TLL1: variants seen among roughly 807,000 people sequenced by gnomAD.
The protein encoded by TLL1 is tolloid like 1.
TLL1 carries 49 observed loss-of-function variants against 128.2 expected under a neutral mutation model. The observed-to-expected ratio is 0.38, with a 90% CI of 0.30 to 0.48. The LOEUF is 0.48. TLL1 is among the 20% of genes least tolerant of loss of function. The pLI, the probability that TLL1 is intolerant of heterozygous loss-of-function variation, is 0.96. For missense variants in TLL1, 1,123 were observed against 1,242.0 expected, an observed-to-expected ratio of 0.90 and a Z score of 1.44; for synonymous variants, 454 against 418.8, an observed-to-expected ratio of 1.08 and a Z score of -1.03.
At chr4:165,882,536 C>T (rs1011480877) in intron 1 of TLL1, among the ~76,000 whole-genome samples, 2 of 152,024 alleles carry the variant, frequency 1.3e-5, no homozygotes, top group African/African-American at 4.8e-5. Context: ...AGGCAGTCAC[C>T]AGGGTCAGAA....
intron 1 of TLL1, among the ~76,000 whole-genome samples, chr4:165,952,011 G>T (rs1277192646): frequency 6.6e-6 from 1 of 152,016 alleles, no homozygotes; most frequent in East Asian, 1.9e-4. Flanking sequence ...CTGAAAAACT[G>T]CTCTGTTATG....
At chr4:165,983,272 T>TA (rs750902073) in intron 1 of TLL1, among the ~76,000 whole-genome samples, 18 of 152,016 alleles carry the variant, frequency 1.2e-4, no homozygotes, top group East Asian at 9.7e-4. Context: ...TGCAGATTGA[T>TA]ATGATATTTC....
chr4:166,091,251 C>A lies in TLL1; in HGVS notation c.2566C>A (p.Pro856Thr). 6.2e-7 allele frequency: 1 copy of A among 1,613,250 alleles called. No homozygotes were observed. Among genetic ancestry groups the A allele is most frequent in the African/African-American group, 1.3e-5 (1 of 74,986 alleles). Residue 856 changes from proline to threonine, a missense_variant, in exon 19 of 21, where the codon CCC becomes ACC. Physicochemically the swap from Pro to Thr is conservative, Grantham distance 38. This residue lies in a region of TLL1 where 634 missense variants were observed against 672.4 expected (regional missense o/e 0.94). Coordinates refer to ENST00000061240, the MANE Select transcript of TLL1 (RefSeq NM_012464.5). ...GRLCGNKIPD[P>T]LVATGNKMFV... The stretch of plus-strand genomic sequence containing the variant: ...ACTGTGTGGCAACAAGATACCAGAT[C>A]CCCTTGTGGCTACTGGAAATAAAAT...
At chr4:165,972,016 T>A (rs919200110) in intron 1 of TLL1, among the ~76,000 whole-genome samples, 8 of 152,200 alleles carry the variant, frequency 5.3e-5, no homozygotes, top group African/African-American at 1.4e-4. Flanking sequence ...AGGATAATTG[T>A]TTTTAAGTTG....
chr4:165,882,495 T>C (rs1482757106), intron 1 of TLL1, among the ~76,000 whole-genome samples: 4 of 152,142 alleles, frequency 2.6e-5, no homozygotes, highest in African/African-American at 7.2e-5. Flanking sequence ...AGAAATAGTA[T>C]ATAACTAAAC....
chr4:165,915,940 C>G (rs1024905156), intron 1 of TLL1, among the ~76,000 whole-genome samples: 47 of 152,146 alleles, frequency 3.1e-4, no homozygotes, highest in Non-Finnish European at 1.0e-4. Flanking sequence ...AGATGACTAT[C>G]CAAAATGCAA....
intron 1 of TLL1, among the ~76,000 whole-genome samples, chr4:165,887,578 T>C (rs146995058): frequency 8.6e-4 from 131 of 152,346 alleles, no homozygotes; most frequent in African/African-American, 2.9e-3. Context: ...GAGAACCCTT[T>C]GACTTGCATA....
At chr4:165,971,317 C>T (rs1440770620) in intron 1 of TLL1, among the ~76,000 whole-genome samples, 1 of 152,172 alleles carries the variant, frequency 6.6e-6, no homozygotes, top group Non-Finnish European at 1.5e-5. Context: ...CTTGTAGATT[C>T]AGCCATAGGT....
Position 165,977,399 on chromosome 4 carries a change from C to G in TLL1, c.170-11982C>G, listed in dbSNP as rs114779379. On this transcript the variant is annotated intron_variant, in intron 1 of 20. Coordinates refer to ENST00000061240, the MANE Select transcript of TLL1 (RefSeq NM_012464.5). ...AAGATGTGCTTGCTTTCCCTTCTAC[C>G]ATGATTGTAAGTTTCCTGAGGCCTC... Among the ~76,000 whole-genome samples, 794 of 152,296 alleles carry G rather than the reference C, an allele frequency of 5.2e-3. 9 individuals are homozygous for G. The highest frequency in any genetic ancestry group is 0.043 in the East Asian group (220 of 5,176).
intron 18 of TLL1, among the ~76,000 whole-genome samples, chr4:166,088,204 G>A (rs1018563559): frequency 2.0e-5 from 3 of 152,076 alleles, no homozygotes; most frequent in African/African-American, 7.2e-5. Context: ...GAAACTAAGT[G>A]TCTTCTGGGG....
intron 1 of TLL1, among the ~76,000 whole-genome samples, chr4:165,921,300 G>C (rs946315772): frequency 5.3e-5 from 8 of 152,158 alleles, no homozygotes; most frequent in African/African-American, 1.9e-4. Flanking sequence ...CCTTAGAGAT[G>C]GTTGTCTTTT....
chr4:166,063,578 C>G (rs1310497547), intron 15 of TLL1, among the ~76,000 whole-genome samples: 1 of 152,252 alleles, frequency 6.6e-6, no homozygotes, highest in Admixed American at 6.5e-5. Flanking sequence ...ATAGCAAAGA[C>G]TTGGAACCAA....
chr4:166,050,922 T>C (rs535698043), intron 12 of TLL1, among the ~76,000 whole-genome samples: 2 of 152,340 alleles, frequency 1.3e-5, no homozygotes, highest in African/African-American at 4.8e-5. Context: ...TCTTTGTACA[T>C]GTTCTTCCTT....
intron 16 of TLL1, among the ~76,000 whole-genome samples, chr4:166,073,967 A>G (rs1201716961): frequency 2.0e-5 from 3 of 152,096 alleles, no homozygotes; most frequent in African/African-American, 2.4e-5. Flanking sequence ...GTGACGTGCC[A>G]TCATGAATGT....
intron 9 of TLL1, among the ~76,000 whole-genome samples, chr4:166,025,947 T>A (rs1190722957): frequency 6.6e-6 from 1 of 151,950 alleles, no homozygotes; most frequent in African/African-American, 2.4e-5. Flanking sequence ...TAGACGACCA[T>A]ATGAAGAGGT....
intron 1 of TLL1, among the ~76,000 whole-genome samples, chr4:165,939,904 A>G (rs2110920868): frequency 6.6e-6 from 1 of 152,198 alleles, no homozygotes; most frequent in South Asian, 2.1e-4. Flanking sequence ...AGCCTTTTGT[A>G]GCATTCGACA....
chr4:165,934,831 C>T (rs1309023232), intron 1 of TLL1, among the ~76,000 whole-genome samples: 1 of 152,096 alleles, frequency 6.6e-6, no homozygotes, highest in Non-Finnish European at 1.5e-5. Context: ...GATAACTGTA[C>T]TATTTCTTAC....
At chr4:166,062,413 C>T (rs959418772) in intron 15 of TLL1, among the ~76,000 whole-genome samples, 1 of 152,172 alleles carries the variant, frequency 6.6e-6, no homozygotes, top group Non-Finnish European at 1.5e-5. Flanking sequence ...GTTTACAGTT[C>T]TCCTTGAAGA....
intron 1 of TLL1, among the ~76,000 whole-genome samples, chr4:165,941,488 T>C (rs964391097): frequency 2.6e-5 from 4 of 151,960 alleles, no homozygotes; most frequent in African/African-American, 7.2e-5. Context: ...ATGCAGAAGG[T>C]TAGAGAGAGA....
Sources: gnomAD v4.1 joint callset for allele counts (sites outside exome capture counted in the v4.1 genomes callset) on GRCh38, gnomAD v4.1.1 for gene constraint, gnomAD v4.1.1 regional missense constraint, MANE v1.5 for transcripts, NCBI Gene and HGNC (gene_info 2026-07-23, HGNC 2026-07-21) for gene names.